Variants in ESRRG observed in about 807,000 individuals in gnomAD.
ESRRG encodes the protein estrogen-related receptor gamma.
In ESRRG, 13 loss-of-function variants were observed where a neutral mutation model predicts 44.0. The observed-to-expected ratio is 0.30, with a 90% CI of 0.19 to 0.47. The LOEUF is 0.47. ESRRG is among the 20% of genes least tolerant of loss of function. The pLI, the probability that ESRRG is intolerant of heterozygous loss-of-function variation, is 1.00. For synonymous variants in ESRRG, 215 were observed against 214.6 expected (o/e 1.00, Z -0.02); for missense variants, 395 against 580.6 (o/e 0.68, Z 3.29).
At chr1:216,736,761 T>C (rs1306431345) in intron 2 of ESRRG, among the ~76,000 whole-genome samples, 1 of 152,012 alleles carries the variant, frequency 6.6e-6, no homozygotes, top group East Asian at 1.9e-4. Flanking sequence ...CACAAATGAT[T>C]AGGCTCCACC....
At chr1:216,779,009 A>G (rs1383717333) in intron 2 of ESRRG, among the ~76,000 whole-genome samples, 3 of 148,724 alleles carry the variant, frequency 2.0e-5, no homozygotes, top group Non-Finnish European at 3.0e-5. Flanking sequence ...ATGCTGAAAC[A>G]ATGCCAGAAT....
intron 1 of ESRRG, among the ~76,000 whole-genome samples, chr1:216,962,557 T>A (rs2069324290): frequency 9.5e-6 from 1 of 105,448 alleles, no homozygotes; most frequent in African/African-American, 2.8e-5. Context: ...CAAGTAGGAA[T>A]CTTTTTTTTC....
intron 3 of ESRRG, among the ~76,000 whole-genome samples, chr1:216,570,469 T>C (rs1467880866): frequency 6.6e-6 from 1 of 152,194 alleles, no homozygotes; most frequent in Non-Finnish European, 1.5e-5. Flanking sequence ...ACTTTCATCA[T>C]GATTTATTTT....
chr1:216,854,353 C>CAAAAAAA (rs57421256), intron 2 of ESRRG, among the ~76,000 whole-genome samples: 14 of 67,116 alleles, frequency 2.1e-4, no homozygotes, highest in East Asian at 1.7e-3. Flanking sequence ...AAGACACCAT[C>CAAAAAAA]AAAAAAAAAA....
intron 1 of ESRRG, among the ~76,000 whole-genome samples, chr1:217,130,028 CA>C (rs1300838518): frequency 6.6e-6 from 1 of 152,098 alleles, no homozygotes; most frequent in Non-Finnish European, 1.5e-5. Context: ...GCAGAAGAAG[CA>C]AAAAGCTTCT....
chr1:216,909,029 G>A (rs960955400), intron 2 of ESRRG, among the ~76,000 whole-genome samples: 6 of 152,006 alleles, frequency 3.9e-5, no homozygotes, highest in African/African-American at 9.7e-5. Context: ...TCCTCACAAA[G>A]CACACATATA....
At chr1:216,601,838 T>A (rs2059298580) in intron 3 of ESRRG, among the ~76,000 whole-genome samples, 1 of 152,206 alleles carries the variant, frequency 6.6e-6, no homozygotes, top group African/African-American at 2.4e-5. Context: ...CTGCCAGGCT[T>A]TCTATAATAT....
chr1:216,971,505 C>A (rs1264926253), intron 1 of ESRRG, among the ~76,000 whole-genome samples: 1 of 152,152 alleles, frequency 6.6e-6, no homozygotes, highest in African/African-American at 2.4e-5. Context: ...AACAGAAAAG[C>A]CATGAAACAG....
chr1:216,530,133 A>AGG (rs901855480), intron 5 of ESRRG, among the ~76,000 whole-genome samples: 1 of 135,960 alleles, frequency 7.4e-6, no homozygotes, highest in Admixed American at 7.5e-5. Context: ...AAAAAAAAAA[A>AGG]GGGGGTGGGG....
intron 1 of ESRRG, among the ~76,000 whole-genome samples, chr1:217,087,744 C>G (rs1026759244): frequency 1.2e-4 from 18 of 152,092 alleles, no homozygotes; most frequent in Non-Finnish European, 1.5e-5. Context: ...CTACTTAATG[C>G]GAGTTTAAAG....
At chr1:216,952,901 G>A (rs1445936967) in intron 1 of ESRRG, among the ~76,000 whole-genome samples, 1 of 151,664 alleles carries the variant, frequency 6.6e-6, no homozygotes, top group East Asian at 2.0e-4. Context: ...TTTCATTTTT[G>A]TACCCCTCAC....
At chr1:216,948,905 C>G (rs2066508711) in intron 1 of ESRRG, among the ~76,000 whole-genome samples, 1 of 152,116 alleles carries the variant, frequency 6.6e-6, no homozygotes, top group Admixed American at 6.5e-5. Flanking sequence ...TGCACTTTTT[C>G]AAGGATCTAC....
intron 5 of ESRRG, among the ~76,000 whole-genome samples, chr1:216,546,437 T>A (rs1375969015): frequency 1.3e-5 from 2 of 152,010 alleles, no homozygotes; most frequent in African/African-American, 4.8e-5. Context: ...AATCTCCAAC[T>A]CTCATAGCAA....
chr1:217,041,799 T>C (rs1307257585), intron 1 of ESRRG, among the ~76,000 whole-genome samples: 1 of 152,206 alleles, frequency 6.6e-6, no homozygotes, highest in Non-Finnish European at 1.5e-5. Flanking sequence ...TAGAATTAGA[T>C]ATTGGTCTGT....
intron 5 of ESRRG, among the ~76,000 whole-genome samples, chr1:216,523,280 T>C (rs770562189): frequency 1.3e-5 from 2 of 152,126 alleles, no homozygotes; most frequent in Non-Finnish European, 2.9e-5. Flanking sequence ...CGCAGTTAAA[T>C]AGCATGTTTA....
intron 1 of ESRRG, among the ~76,000 whole-genome samples, chr1:217,113,071 C>T (rs2092677540): frequency 6.6e-6 from 1 of 152,316 alleles, no homozygotes; most frequent in South Asian, 2.1e-4. Flanking sequence ...GAGCTGCCCA[C>T]TTAGACTAAA....
At chr1:216,997,633 A>G (rs913322901) in intron 1 of ESRRG, among the ~76,000 whole-genome samples, 1 of 152,280 alleles carries the variant, frequency 6.6e-6, no homozygotes, top group Middle Eastern at 3.4e-3. Context: ...TTAGCTTCCT[A>G]CTTAATTTGC....
chr1:216,931,229 A>C (rs558952354), intron 2 of ESRRG, among the ~76,000 whole-genome samples: 1 of 152,172 alleles, frequency 6.6e-6, no homozygotes, highest in Admixed American at 6.5e-5. Flanking sequence ...GTCCATCCCT[A>C]ATCATTTTGG....
At position 216,905,467 on chromosome 1, in the gene ESRRG, C is replaced by T. The variant is rs527419055; in HGVS notation, c.-14+34115G>A. Among the ~76,000 whole-genome samples, 28 of 152,246 alleles carry T rather than the reference C, an allele frequency of 1.8e-4. No individual in the cohort carries two copies. In the South Asian group the frequency reaches 4.8e-3, roughly 26 times the overall value. ...AAAGGTTACCCCTTAAAGTTCAACC[C>T]TCCTCTGACTGTTCAGTTGTTCTCT... On this transcript the variant is annotated intron_variant, in intron 2 of 7. Coordinates refer to the ESRRG transcript ENST00000359162.
Sources: allele counts gnomAD v4.1 joint callset (sites outside exome capture counted in the v4.1 genomes callset), GRCh38; gene constraint gnomAD v4.1.1; transcripts MANE v1.5; gene names NCBI Gene and HGNC (gene_info 2026-07-23, HGNC 2026-07-21).